The following ZMAT4 variants were observed in gnomAD, a reference collection of about 807,000 sequenced individuals.
ZMAT4 encodes the protein zinc finger matrin-type protein 4.
A neutral mutation model predicts 28.7 loss-of-function variants in ZMAT4; 17 were observed. The ratio of observed to expected loss-of-function variants is 0.59; its 90% CI spans 0.41 to 0.89. The LOEUF (loss-of-function observed/expected upper bound fraction) is 0.89, where lower values mean the gene tolerates loss of function less well. ZMAT4 is among the 40% of genes least tolerant of loss of function. The pLI is 0.00. For missense variants in ZMAT4, 240 were observed against 283.8 expected (o/e 0.85, Z 1.11); for synonymous variants, 117 against 109.2 (o/e 1.07, Z -0.44).
chr8:40,534,768 T>C (rs1417961490), intron 6 of ZMAT4, among the ~76,000 whole-genome samples: 2 of 148,676 alleles, frequency 1.3e-5, no homozygotes, highest in East Asian at 4.2e-4. Context: ...CTGCAACCTC[T>C]GCCTCCCAGG....
At chr8:40,834,971 A>T (rs1277393912) in intron 1 of ZMAT4, among the ~76,000 whole-genome samples, 1 of 152,194 alleles carries the variant, frequency 6.6e-6, no homozygotes, top group African/African-American at 2.4e-5. Flanking sequence ...AGCAAGCCCA[A>T]ATGCACCCAG....
chr8:40,787,054 A>G (rs1814116027), intron 2 of ZMAT4, among the ~76,000 whole-genome samples: 1 of 152,228 alleles, frequency 6.6e-6, no homozygotes, highest in South Asian at 2.1e-4. Context: ...CCTTAACTGT[A>G]AAATGTAAAG....
chr8:40,543,878 G>A (rs1563333360), intron 6 of ZMAT4, among the ~76,000 whole-genome samples: 1 of 152,164 alleles, frequency 6.6e-6, no homozygotes, highest in East Asian at 1.9e-4. Flanking sequence ...TTGCTTATAT[G>A]ATGAATACTA....
chr8:40,767,864 A>T (rs1370950687), intron 2 of ZMAT4, 134 bp from the exon 3 acceptor site: 1 of 650,386 alleles, frequency 1.5e-6, no homozygotes, highest in South Asian at 2.4e-5. Context: ...CCTGTGAGGG[A>T]TGTAGGATGT....
At chr8:40,845,791 AAAAAAAG>A (rs752233362) in intron 1 of ZMAT4, among the ~76,000 whole-genome samples, 1,511 of 127,596 alleles carry the variant, frequency 0.012, 15 homozygotes, top group Non-Finnish European at 0.016. Context: ...AAAAAAAAAA[AAAAAAAG>A]AGAGAGAGAC....
At chr8:40,603,023 T>C (rs542204459) in intron 5 of ZMAT4, among the ~76,000 whole-genome samples, 1 of 152,344 alleles carries the variant, frequency 6.6e-6, no homozygotes, top group South Asian at 2.1e-4. Flanking sequence ...TGTTATCTTC[T>C]AGAATTGTTA....
At chr8:40,723,900 A>T (rs1811211936) in intron 3 of ZMAT4, among the ~76,000 whole-genome samples, 1 of 152,058 alleles carries the variant, frequency 6.6e-6, no homozygotes, top group African/African-American at 2.4e-5. Context: ...ACTTCCTGAA[A>T]ATGCCACATG....
At chr8:40,609,860 A>T (rs998745229) in intron 5 of ZMAT4, among the ~76,000 whole-genome samples, 9 of 152,054 alleles carry the variant, frequency 5.9e-5, no homozygotes, top group African/African-American at 1.9e-4. Context: ...GTTCCACCTG[A>T]GCCCACACAA....
At chr8:40,547,670 G>A (rs1013100427) in intron 6 of ZMAT4, among the ~76,000 whole-genome samples, 4 of 152,020 alleles carry the variant, frequency 2.6e-5, no homozygotes, top group Non-Finnish European at 2.9e-5. Flanking sequence ...TGTGCAGAAC[G>A]TGCAGGTTTG....
At chr8:40,612,218 C>CA (rs1805827954) in intron 5 of ZMAT4, among the ~76,000 whole-genome samples, 2 of 140,968 alleles carry the variant, frequency 1.4e-5, no homozygotes, top group Non-Finnish European at 3.3e-5. Context: ...AATGCTCATT[C>CA]ATATCCTCTG....
At chr8:40,802,590 A>T (rs1388067263) in intron 2 of ZMAT4, among the ~76,000 whole-genome samples, 1 of 152,130 alleles carries the variant, frequency 6.6e-6, no homozygotes, top group South Asian at 2.1e-4. Context: ...GAGATATTCC[A>T]TGTTCATGGA....
intron 5 of ZMAT4, among the ~76,000 whole-genome samples, chr8:40,656,500 C>G (rs1190950273): frequency 1.3e-5 from 2 of 151,970 alleles, no homozygotes; most frequent in African/African-American, 4.8e-5. Context: ...CATGAATGTA[C>G]CTAGCAGTAT....
chr8:40,569,917 G>A (rs919923398), intron 6 of ZMAT4, among the ~76,000 whole-genome samples: 37 of 152,168 alleles, frequency 2.4e-4, no homozygotes, highest in African/African-American at 7.2e-4. Flanking sequence ...AAGAAACGTC[G>A]GTTAAACTTT....
intron 4 of ZMAT4, among the ~76,000 whole-genome samples, chr8:40,686,348 C>T (rs1174221421): frequency 1.3e-5 from 2 of 151,968 alleles, no homozygotes; most frequent in Non-Finnish European, 2.9e-5. Flanking sequence ...GACTGCACCC[C>T]CAGCTAATTG....
At chr8:40,888,440 A>G (rs1301660997) in intron 1 of ZMAT4, 1 of 152,288 alleles carries the variant, frequency 6.6e-6, no homozygotes, top group Non-Finnish European at 1.5e-5. Flanking sequence ...TATTAAAATA[A>G]ACAGAGCAGC....
intron 3 of ZMAT4, among the ~76,000 whole-genome samples, chr8:40,762,317 T>G (rs1032909401): frequency 6.6e-5 from 10 of 152,130 alleles, no homozygotes; most frequent in South Asian, 2.1e-4. Context: ...TAAATCCAGT[T>G]ATTGGTGTCC....
chr8:40,754,849 C>T (rs373514596), intron 3 of ZMAT4, among the ~76,000 whole-genome samples: 7 of 152,162 alleles, frequency 4.6e-5, no homozygotes, highest in African/African-American at 9.6e-5. Context: ...CTTGTATCAA[C>T]TAAAAAATTT....
At chr8:40,756,945 T>C (rs777625631) in intron 3 of ZMAT4, among the ~76,000 whole-genome samples, 4 of 152,160 alleles carry the variant, frequency 2.6e-5, no homozygotes, top group Non-Finnish European at 4.4e-5. Flanking sequence ...CACTCAGCAC[T>C]GTCACTCAGC....
At chr8:40,771,841 C>G (rs551404155) in intron 2 of ZMAT4, among the ~76,000 whole-genome samples, 1 of 152,176 alleles carries the variant, frequency 6.6e-6, no homozygotes, top group Non-Finnish European at 1.5e-5. Flanking sequence ...CTGGCTCTTA[C>G]GTCATCCAAA....
Sources: gnomAD v4.1 joint callset for allele counts (sites outside exome capture counted in the v4.1 genomes callset) on GRCh38, gnomAD v4.1.1 for gene constraint, MANE v1.5 for transcripts, NCBI Gene and HGNC (gene_info 2026-07-23, HGNC 2026-07-21) for gene names.